The following RNF10 variants were observed in gnomAD, a reference collection of about 807,000 sequenced individuals.
RNF10 encodes the protein ring finger protein 10.
In RNF10, 38 loss-of-function variants were observed where a neutral mutation model predicts 91.4. The observed-to-expected ratio is 0.42, with a 90% confidence interval of 0.32 to 0.54. The LOEUF is 0.54. RNF10 is among the 20% of genes least tolerant of loss of function. RNF10 has a pLI of 0.16. For missense variants in RNF10, 945 were observed against 1,012.0 expected (o/e 0.93, Z 0.90); for synonymous variants, 364 against 366.3 (o/e 0.99, Z 0.07).
At chr12:120,552,083 CA>C (rs563764429) in intron 2 of RNF10, among the ~76,000 whole-genome samples, 168 of 86,436 alleles carry the variant, frequency 1.9e-3, no homozygotes, top group African/African-American at 1.9e-3. Flanking sequence ...GACTCTGTCT[CA>C]AAAAAAAAAA....
At chr12:120,550,052 T>C (rs919730441) in intron 2 of RNF10, among the ~76,000 whole-genome samples, 1 of 152,190 alleles carries the variant, frequency 6.6e-6, no homozygotes, top group African/African-American at 2.4e-5. Flanking sequence ...TCAAGCCATG[T>C]GTGTAATCAT....
In RNF10 at chr12:120,576,619, CAG is replaced by C. The variant is rs1436782263; in HGVS notation, c.2391_2392del (p.Lys798ThrfsTer96). The C allele has an allele frequency of 3.1e-6, 5 of 1,613,882 alleles. No individual in the cohort carries two copies. Among genetic ancestry groups the C allele is most frequent in the Admixed American group, 1.7e-5 (1 of 60,000 alleles). ...EEKGGKKRKK[Q>X]KQKLLFSTSV... ...GAAAGGAGGAAAGAAAAGAAAAAAA[CAG>C]AAACAGAAGCTCCTGTTCAGCACCT... On this transcript the variant is annotated frameshift_variant, in exon 17 of 17. Coordinates refer to ENST00000325954, the MANE Select transcript of RNF10 (RefSeq NM_014868.5). LOFTEE classifies it high-confidence loss of function.
intron 7 of RNF10, among the ~76,000 whole-genome samples, chr12:120,561,596 A>G (rs1248897961): frequency 6.6e-6 from 1 of 152,180 alleles, no homozygotes; most frequent in Non-Finnish European, 1.5e-5. Context: ...GACTTGTGCT[A>G]TACACATTTA....
intron 13 of RNF10, among the ~76,000 whole-genome samples, chr12:120,570,610 G>A (rs1288950558): frequency 6.6e-6 from 1 of 152,194 alleles, no homozygotes; most frequent in Non-Finnish European, 1.5e-5. Flanking sequence ...GTCCAACACT[G>A]TTCAGGGCAG....
At chr12:120,555,044 G>C (rs1873761343) in intron 4 of RNF10, among the ~76,000 whole-genome samples, 1 of 152,174 alleles carries the variant, frequency 6.6e-6, no homozygotes. Context: ...GTGTAAGCTG[G>C]GAAGTAGTAA....
At chr12:120,537,014 A>G (rs1252322349) in intron 1 of RNF10, among the ~76,000 whole-genome samples, 1 of 152,224 alleles carries the variant, frequency 6.6e-6, no homozygotes, top group Non-Finnish European at 1.5e-5. Flanking sequence ...ACAGAATTCT[A>G]TAGTAGTTTG....
chr12:120,541,445 T>G (rs1871549539), intron 1 of RNF10, among the ~76,000 whole-genome samples: 1 of 151,518 alleles, frequency 6.6e-6, no homozygotes, highest in East Asian at 1.9e-4. Context: ...TCCTTTTTTT[T>G]TTTTTTTGAG....
chr12:120,547,985 A>G (rs142630143), intron 2 of RNF10, among the ~76,000 whole-genome samples: 1 of 152,336 alleles, frequency 6.6e-6, no homozygotes, highest in East Asian at 1.9e-4. Context: ...TTACTTCCAT[A>G]TAGAGCCAAG....
chr12:120,552,595 C>G lies in RNF10; in HGVS notation c.451C>G (p.Arg151Gly). 6.2e-7 allele frequency: 1 copy of G among 1,614,146 alleles called. No homozygotes were observed. The highest frequency in any genetic ancestry group is 8.5e-7 in the Non-Finnish European group (1 of 1,180,020). Residue 151 changes from arginine (R) to glycine (G), a missense_variant, in exon 3 of 17, where the codon CGT becomes GGT. Transcript: ENST00000325954. Reference sequence around the variant, plus strand: ...CTTGTTGAATTTCACTTTTGAACCCCGTGGCCAGACGGGTCACTTTGAAGG... The same window carrying G: ...CTTGTTGAATTTCACTTTTGAACCCGGTGGCCAGACGGGTCACTTTGAAGG... ...NHLLNFTFEP[R>G]GQTGHFEGSG...
chr12:120,557,704 G>A, intron 6 of RNF10, 22 bp downstream of exon 6: 2 of 1,613,408 alleles, frequency 1.2e-6, no homozygotes, highest in Non-Finnish European at 1.7e-6. Context: ...AAATTTTGGG[G>A]ACAAATAATC....
At chr12:120,564,010 T>C (rs1448261121) in intron 10 of RNF10, 67 bp downstream of exon 10, 8 of 1,575,736 alleles carry the variant, frequency 5.1e-6, no homozygotes, top group Non-Finnish European at 7.0e-6. Context: ...GAGGTAGGCC[T>C]AGCCATCCTA....
chr12:120,562,617 A>G (rs1042378893), intron 7 of RNF10, among the ~76,000 whole-genome samples: 3 of 152,072 alleles, frequency 2.0e-5, no homozygotes, highest in African/African-American at 7.2e-5. Flanking sequence ...CTTTGGCTAT[A>G]TACCCAGTAA....
intron 13 of RNF10, among the ~76,000 whole-genome samples, chr12:120,568,686 G>C (rs141295691): frequency 1.3e-5 from 2 of 152,112 alleles, no homozygotes; most frequent in East Asian, 3.9e-4. Context: ...ATGTTGGCCA[G>C]GCTGGTCTCG....
chr12:120,538,893 A>AGATTTTAATG (rs1871192963), intron 1 of RNF10, among the ~76,000 whole-genome samples: 2 of 152,182 alleles, frequency 1.3e-5, no homozygotes, highest in Admixed American at 1.3e-4. Flanking sequence ...AATGCCTCTG[A>AGATTTTAATG]GCTGTAAATG....
chr12:120,569,996 G>A (rs868621418), intron 13 of RNF10, among the ~76,000 whole-genome samples: 1 of 151,918 alleles, frequency 6.6e-6, no homozygotes, highest in Non-Finnish European at 1.5e-5. Flanking sequence ...GGGTTCAAGC[G>A]ATTCTCCTGC....
intron 1 of RNF10, among the ~76,000 whole-genome samples, chr12:120,536,633 C>T (rs1349842704): frequency 6.6e-6 from 1 of 152,148 alleles, no homozygotes; most frequent in East Asian, 1.9e-4. Flanking sequence ...CGTAGCTTTG[C>T]CATAGATCCC....
At chr12:120,572,782 G>A in intron 14 of RNF10, among the ~76,000 whole-genome samples, 1 of 151,708 alleles carries the variant, frequency 6.6e-6, no homozygotes, top group Non-Finnish European at 1.5e-5. Context: ...TGTATTTTTA[G>A]TAGAGACAGG....
At chr12:120,573,450 T>C (rs1473021816) in intron 14 of RNF10, among the ~76,000 whole-genome samples, 1 of 152,198 alleles carries the variant, frequency 6.6e-6, no homozygotes, top group East Asian at 1.9e-4. Context: ...CATTTAAACA[T>C]TTTGGTAAGA....
chr12:120,560,068 C>T (rs1418385254), intron 6 of RNF10, among the ~76,000 whole-genome samples: 5 of 151,756 alleles, frequency 3.3e-5, no homozygotes, highest in African/African-American at 1.2e-4. Flanking sequence ...GTGTGAGCCA[C>T]TGCGCTGGTC....
Sources: allele counts gnomAD v4.1 joint callset (sites outside exome capture counted in the v4.1 genomes callset), GRCh38; gene constraint gnomAD v4.1.1; transcripts MANE v1.5; gene names NCBI Gene and HGNC (gene_info 2026-07-23, HGNC 2026-07-21).